The following SNAPC1 variants were observed in gnomAD, a reference collection of about 807,000 sequenced individuals.
SNAPC1 encodes small nuclear RNA activating complex polypeptide 1.
In SNAPC1, 42 loss-of-function variants were observed where a neutral mutation model predicts 50.1. That is an observed-to-expected ratio of 0.84 (90% CI 0.65 to 1.08). The LOEUF (loss-of-function observed/expected upper bound fraction) is 1.08, where lower values mean the gene tolerates loss of function less well. Among genes scored for constraint, SNAPC1 ranks in the 50% least tolerant of loss-of-function variants. The pLI, the probability that SNAPC1 is intolerant of heterozygous loss-of-function variation, is 0.00. For missense variants in SNAPC1, 477 were observed against 427.3 expected, an observed-to-expected ratio of 1.12 and a Z score of -1.02; for synonymous variants, 164 against 144.2, an observed-to-expected ratio of 1.14 and a Z score of -0.98.
intron 8 of SNAPC1, 27 bp from the exon 9 acceptor site, chr14:61,792,780 A>T (rs368997885): frequency 1.6e-6 from 2 of 1,263,558 alleles, no homozygotes; most frequent in Non-Finnish European, 2.2e-6. Flanking sequence ...TTGCTTTCAT[A>T]TAAAATCATT....
intron 8 of SNAPC1, among the ~76,000 whole-genome samples, chr14:61,784,102 A>G (rs1440579176): frequency 6.8e-6 from 1 of 147,340 alleles, no homozygotes; most frequent in Non-Finnish European, 1.5e-5. Flanking sequence ...GATATGATTA[A>G]GTCGTGTAAC....
rs113295607 is a variant in SNAPC1, at chr14:61,782,540, C to A, written c.976+143C>A. ...TGAGATTTAATATTAAAAATAAATTCTGTTAGATTCTTGGAATCTTATTGC... is the reference window on the plus strand; with the variant it reads ...TGAGATTTAATATTAAAAATAAATTATGTTAGATTCTTGGAATCTTATTGC... On this transcript the variant is annotated intron_variant, in intron 8 of 9. Transcript: ENST00000216294. The A allele has an allele frequency of 1.3e-3, 782 of 605,430 alleles. 11 individuals carry two copies. In the East Asian group the frequency reaches 0.022, roughly 17 times the overall value. 37.5% of individuals were successfully genotyped at this position (605,430 alleles called of 1,614,324 possible). A position where few individuals can be genotyped will look rare whatever the true frequency, so the allele number is the denominator to read the frequency against.
chr14:61,793,046 T>G, intron 9 of SNAPC1, 144 bp downstream of exon 9: 1 of 510,678 alleles, frequency 2.0e-6, no homozygotes, highest in Non-Finnish European at 3.6e-6. Context: ...AATTTCAGTA[T>G]TAGTCATATC....
chr14:61,769,856 G>A (rs1032411476), intron 4 of SNAPC1, among the ~76,000 whole-genome samples: 2 of 152,172 alleles, frequency 1.3e-5, no homozygotes, highest in African/African-American at 2.4e-5. Flanking sequence ...GAGTAGAAAA[G>A]CATTGCTTTG....
At position 61,767,202 on chromosome 14, in the gene SNAPC1, C is replaced by A; in HGVS notation, c.289-10C>A. ...CATTTAGTACAACTTTTTTTTCTTC[C>A]TGGTTGCAGATCAGAGTTGCCCTGA... On this transcript the variant is annotated splice_polypyrimidine_tract_variant and intron_variant, in intron 2 of 9. Coordinates refer to ENST00000216294, the MANE Select transcript of SNAPC1 (RefSeq NM_003082.4). 7.0e-7 allele frequency: 1 copy of A among 1,425,930 alleles called. No individual in the cohort carries two copies. The highest frequency in any genetic ancestry group is 1.8e-5 in the South Asian group (1 of 56,076). 88.3% of individuals were successfully genotyped at this position (1,425,930 alleles called of 1,614,324 possible).
At chr14:61,790,157 G>C (rs1566593932) in intron 8 of SNAPC1, among the ~76,000 whole-genome samples, 2 of 152,170 alleles carry the variant, frequency 1.3e-5, no homozygotes, top group East Asian at 3.8e-4. Context: ...TTGCCAGACT[G>C]ATTTCTGTAA....
In SNAPC1 at chr14:61,774,648, A is replaced by ATTTCTT. The variant is rs1172798543; in HGVS notation, c.535-1444_535-1443insCTTTTT. Among the ~76,000 whole-genome samples, 470 of 90,904 alleles carry ATTTCTT rather than the reference A, an allele frequency of 5.2e-3. 35 individuals are homozygous for ATTTCTT. Among genetic ancestry groups the ATTTCTT allele is most frequent in the African/African-American group, 0.013 (304 of 24,230 alleles). The allele number at this position is 90,904 out of a possible 152,430, so 59.6% of individuals were successfully genotyped here. ...ACTCACCACTATTGATCAGTTTCTC[A>ATTTCTT]TTTTTTTTTTTTTTTTTTTTTTTTT... On this transcript the variant is annotated intron_variant, in intron 4 of 9. Transcript: ENST00000216294.
chr14:61,788,015 A>T (rs2045127167), intron 8 of SNAPC1, among the ~76,000 whole-genome samples: 1 of 152,188 alleles, frequency 6.6e-6, no homozygotes. Context: ...AAGTTAAATG[A>T]AATTAACTTT....
At chr14:61,794,643 C>T (rs2045175759) in intron 9 of SNAPC1, among the ~76,000 whole-genome samples, 1 of 152,152 alleles carries the variant, frequency 6.6e-6, no homozygotes, top group South Asian at 2.1e-4. Context: ...CCCCTGACCT[C>T]ATGATTCGCC....
At chr14:61,772,347 C>A (rs988737380) in intron 4 of SNAPC1, among the ~76,000 whole-genome samples, 1 of 152,104 alleles carries the variant, frequency 6.6e-6, no homozygotes, top group African/African-American at 2.4e-5. Flanking sequence ...CGGGTTCAAG[C>A]GATTCTCCTG....
chr14:61,778,968 A>C (rs1341122130), intron 7 of SNAPC1, 58 bp downstream of exon 7: 10 of 970,976 alleles, frequency 1.0e-5, no homozygotes, highest in Non-Finnish European at 1.6e-5. Flanking sequence ...ATTATATTTC[A>C]ATTTTTCATC....
At chr14:61,781,129 T>C (rs1410808856) in intron 7 of SNAPC1, among the ~76,000 whole-genome samples, 1 of 152,114 alleles carries the variant, frequency 6.6e-6, no homozygotes, top group African/African-American at 2.4e-5. Context: ...CCATGGATAC[T>C]GAGAGACAGC....
chr14:61,777,078 G>A (rs2045039730), intron 5 of SNAPC1, among the ~76,000 whole-genome samples: 1 of 152,162 alleles, frequency 6.6e-6, no homozygotes, highest in African/African-American at 2.4e-5. Flanking sequence ...TCTTGATAAT[G>A]TGTTGGTGTT....
At chr14:61,774,694 A>G (rs548010309) in intron 4 of SNAPC1, among the ~76,000 whole-genome samples, 1 of 102,388 alleles carries the variant, frequency 9.8e-6, no homozygotes, top group East Asian at 2.7e-4. Context: ...GCAGAGTTTC[A>G]CTCTTGTTGC....
At position 61,767,983 on chromosome 14, in the gene SNAPC1, T is replaced by G. The variant is rs542994888; in HGVS notation, c.429+631T>G. ...TTAGTAGAGATGGGGTTTCACCATA[T>G]TGGTCAGGCTGGTCTTGAACTCCTG... On this transcript the variant is annotated intron_variant, in intron 3 of 9. Transcript: ENST00000216294. Among the ~76,000 whole-genome samples, 297 of 152,346 alleles carry G rather than the reference T, an allele frequency of 1.9e-3. 3 individuals carry two copies. Among genetic ancestry groups the G allele is most frequent in the African/African-American group, 6.6e-3 (276 of 41,580 alleles).
chr14:61,785,584 G>T (rs1428057638), intron 8 of SNAPC1, among the ~76,000 whole-genome samples: 1 of 152,208 alleles, frequency 6.6e-6, no homozygotes, highest in Non-Finnish European at 1.5e-5. Flanking sequence ...TGAGACATGT[G>T]CCCAGTGTGG....
chr14:61,782,519 A>G (rs533785533), intron 8 of SNAPC1, 122 bp downstream of exon 8: 1 of 658,902 alleles, frequency 1.5e-6, no homozygotes, highest in Non-Finnish European at 2.5e-6. Flanking sequence ...TTTTTGTGAG[A>G]TTTAATATTA....
At chr14:61,781,554 C>T (rs2045073095) in intron 7 of SNAPC1, among the ~76,000 whole-genome samples, 1 of 151,850 alleles carries the variant, frequency 6.6e-6, no homozygotes, top group Admixed American at 6.6e-5. Flanking sequence ...AGGGAATTCA[C>T]CTACTGATGT....
chr14:61,762,649 T>C (rs1251454671), intron 1 of SNAPC1, 61 bp downstream of exon 1: 62 of 1,597,374 alleles, frequency 3.9e-5, no homozygotes, highest in Non-Finnish European at 5.2e-5. Flanking sequence ...GAAAGTTGCC[T>C]CCTTCCCGGC....
Sources: allele counts gnomAD v4.1 joint callset (sites outside exome capture counted in the v4.1 genomes callset), GRCh38; gene constraint gnomAD v4.1.1; transcripts MANE v1.5; gene names NCBI Gene and HGNC (gene_info 2026-07-23, HGNC 2026-07-21).